The following BCL2L12 variants were observed in gnomAD, a reference collection of about 807,000 sequenced individuals.
BCL2L12 encodes bcl-2-like protein 12.
Under a neutral mutation model 25.7 loss-of-function variants are expected in BCL2L12, and 27 were observed. That is an observed-to-expected ratio of 1.05 (90% CI 0.78 to 1.45). The LOEUF (loss-of-function observed/expected upper bound fraction) is 1.45. BCL2L12 is among the 40% of genes most tolerant of loss of function. The pLI is 0.00. For synonymous variants in BCL2L12, 132 were observed against 145.6 expected (o/e 0.91, Z 0.67); for missense variants, 302 against 329.8 (o/e 0.92, Z 0.65).
At chr19:49,668,379 G>A (rs967072803) in intron 3 of BCL2L12, among the ~76,000 whole-genome samples, 1 of 152,060 alleles carries the variant, frequency 6.6e-6, no homozygotes, top group Admixed American at 6.5e-5. Flanking sequence ...GATTACAGGC[G>A]TGAGCCACTG....
In BCL2L12 at chr19:49,667,059, C is replaced by G. The variant is rs753475471; in HGVS notation, c.148C>G (p.Leu50Val). Residue 50 changes from leucine (L) to valine (V), a missense_variant, in exon 3 of 7, where the codon CTT becomes GTT. Physicochemically the swap from Leu to Val is conservative, Grantham distance 32. Transcript: ENST00000246784. The part of the protein sequence containing the change: ...QEEPTDFLSR[L>V]RRCLPCSLGR... ...AGAGCCAACAGACTTCCTGAGCCGC[C>G]TTCGAAGATGTCTTCCCTGCTCCCT... 6.2e-7 allele frequency: 1 copy of G among 1,613,728 alleles called. No homozygotes were observed. Among genetic ancestry groups the G allele is most frequent in the Admixed American group, 1.7e-5 (1 of 60,028 alleles).
Position 49,673,684 on chromosome 19 carries a change from C to A in BCL2L12, c.703-14C>A. On this transcript the variant is annotated splice_polypyrimidine_tract_variant and intron_variant, in intron 6 of 6. Transcript: ENST00000246784. ...CTGCCCTGCTCACAGGGCTCTGCCA[C>A]TTTTCCCTTCCAGGAGGGCATCCTG... The A allele has an allele frequency of 6.2e-7, 1 of 1,612,298 alleles. No individual in the cohort carries two copies. Among genetic ancestry groups the A allele is most frequent in the East Asian group, 2.2e-5 (1 of 44,866 alleles).
At chr19:49,665,444 C>T (rs533425637), upstream of BCL2L12, 123 of 197,458 alleles carry the variant, frequency 6.2e-4, no homozygotes, top group African/African-American at 2.8e-3. Context: ...TCCTCTTTTC[C>T]TCTTTCCTCC....
Position 49,672,948 on chromosome 19 carries a change from A to G in BCL2L12, c.703-750A>G, listed in dbSNP as rs541841186. On this transcript the variant is annotated intron_variant, in intron 6 of 6. Transcript: ENST00000246784. The surrounding 1 kb of genome is among the most constrained non-coding windows in gnomAD (Gnocchi z 4.1). ...AGTGGCACGACCTTGGCTCACTGCA[A>G]CCTCCACCTCCTGGGTTCAAGCGAT... is the stretch of plus-strand genomic sequence containing the variant. 3.7e-4 allele frequency among the ~76,000 whole-genome samples: 57 copies of G among 152,168 alleles called. No homozygotes were observed. In the Middle Eastern group the frequency reaches 0.01, roughly 27 times the overall value.
chr19:49,666,516 C>A (rs1478204057), intron 1 of BCL2L12, among the ~76,000 whole-genome samples, 169 bp from the exon 2 acceptor site: 3 of 152,132 alleles, frequency 2.0e-5, no homozygotes, highest in Non-Finnish European at 2.9e-5. Flanking sequence ...TTTTCCTGAT[C>A]GCTTTTTCGT....
upstream of BCL2L12, chr19:49,665,452 T>G: frequency 5.0e-6 from 1 of 199,364 alleles, no homozygotes; most frequent in Non-Finnish European, 1.0e-5. Context: ...TCCTCTTTCC[T>G]CCCTACTTTT....
Position 49,669,064 on chromosome 19 carries a change from G to A in BCL2L12, c.378G>A (p.Leu126=), listed in dbSNP as rs781395356. The A allele has an allele frequency of 2.5e-6, 4 of 1,614,162 alleles. No homozygotes were observed. Among genetic ancestry groups the A allele is most frequent in the Non-Finnish European group, 3.4e-6 (4 of 1,180,024 alleles). The change falls in exon 5 of 7, where the codon CTG becomes CTA. Residue 126 remains leucine (L), a synonymous_variant. Transcript: ENST00000246784. ...CATCGACAGAGAAGGAAGCCATACT[G>A]CGGAGGCTGGTGGCCCTGCTGGAGG... The part of the protein sequence containing the change: ...GPPSTEKEAI[L]RRLVALLEEE...
chr19:49,669,225 G>T, intron 5 of BCL2L12, 110 bp downstream of exon 5: 6 of 1,507,066 alleles, frequency 4.0e-6, no homozygotes, highest in Non-Finnish European at 4.4e-6. Context: ...GTGGAAAGAG[G>T]CTGGGACAAG....
chr19:49,667,180 C>T lies in BCL2L12; in HGVS notation c.250+19C>T. 1 of 1,606,422 alleles carries T rather than the reference C, an allele frequency of 6.2e-7. No individual in the cohort carries two copies. The highest frequency in any genetic ancestry group is 1.1e-5 in the South Asian group (1 of 90,976). On this transcript the variant is annotated intron_variant, in intron 3 of 6. Transcript: ENST00000246784. ...GAGCCTGGTAAGAGATTTCCATGATCATCTATGAAGCCGGCAGAACACGGG... is the reference window on the plus strand; with the variant it reads ...GAGCCTGGTAAGAGATTTCCATGATTATCTATGAAGCCGGCAGAACACGGG...
chr19:49,670,679 G>C (rs776559126), intron 6 of BCL2L12, among the ~76,000 whole-genome samples, 191 bp downstream of exon 6: 19 of 152,230 alleles, frequency 1.2e-4, no homozygotes, highest in African/African-American at 4.3e-4. Context: ...TGGCGTCAAC[G>C]ACTGGGTACG....
At chr19:49,668,813 A>G (rs2081885429) in intron 3 of BCL2L12, 38 bp from the exon 4 acceptor site, 2 of 1,567,688 alleles carry the variant, frequency 1.3e-6, no homozygotes, top group African/African-American at 2.7e-5. Flanking sequence ...TAAGTTTCCA[A>G]TGTCCTGGAA....
At chr19:49,667,609 G>A (rs1484428820) in intron 3 of BCL2L12, among the ~76,000 whole-genome samples, 1 of 152,196 alleles carries the variant, frequency 6.6e-6, no homozygotes, top group Non-Finnish European at 1.5e-5. Context: ...GTGTGAACCT[G>A]GACAGACTAG....
At chr19:49,666,953 G>C (rs2081802581) in intron 2 of BCL2L12, 66 bp from the exon 3 acceptor site, 1 of 1,576,248 alleles carries the variant, frequency 6.3e-7, no homozygotes, top group Admixed American at 1.9e-5. Context: ...GAGGGAGGGA[G>C]TTGGGGAAAG....
In BCL2L12 at chr19:49,667,064, A is replaced by T. The variant is rs778519209; in HGVS notation, c.153A>T (p.Arg51=). 23 of 1,613,696 alleles carry T rather than the reference A, an allele frequency of 1.4e-5. No individual in the cohort carries two copies. The South Asian group carries it at 2.4e-4, about 17-fold the overall frequency. ...CAACAGACTTCCTGAGCCGCCTTCG[A>T]AGATGTCTTCCCTGCTCCCTGGGGC... The part of the protein sequence containing the change: ...EEPTDFLSRL[R]RCLPCSLGRG... Residue 51 remains arginine, a synonymous_variant, in exon 3 of 7, where the codon CGA becomes CGT. Coordinates refer to ENST00000246784, the MANE Select transcript of BCL2L12 (RefSeq NM_138639.2).
upstream of BCL2L12, chr19:49,665,488 A>T: frequency 4.3e-6 from 1 of 234,606 alleles, no homozygotes; most frequent in Non-Finnish European, 8.4e-6. Context: ...GCCGACCTCC[A>T]GCGTCGGCCA....
Position 49,668,843 on chromosome 19 carries a change from C to T in BCL2L12, c.251-8C>T. ...CTGGAAACCTGTCATTAACTCTTTT[C>T]ACCCCAGGCCCAGCTACTCCAGACT... is the stretch of plus-strand genomic sequence containing the variant. On this transcript the variant is annotated splice_region_variant and splice_polypyrimidine_tract_variant and intron_variant, in intron 3 of 6. Transcript: ENST00000246784. 2 of 1,611,142 alleles carry T rather than the reference C, an allele frequency of 1.2e-6. No individual in the cohort carries two copies. Among genetic ancestry groups the T allele is most frequent in the Non-Finnish European group, 8.5e-7 (1 of 1,178,920 alleles).
Position 49,668,930 on chromosome 19 carries a change from C to T in BCL2L12, c.330C>T (p.Pro110=). 1 of 1,613,976 alleles carries T rather than the reference C, an allele frequency of 6.2e-7. No individual in the cohort carries two copies. ...QLVQEQLKSP[P]SPELQGPPST... ...TCCAAGAGCAGCTGAAATCTCCGCC[C>T]AGCCCAGGTGAGGCACAGAGGAGCC... is the stretch of plus-strand genomic sequence containing the variant. The change falls in exon 4 of 7, where the codon CCC becomes CCT. Residue 110 remains proline (P), a synonymous_variant. Coordinates refer to ENST00000246784, the MANE Select transcript of BCL2L12 (RefSeq NM_138639.2).
intron 6 of BCL2L12, among the ~76,000 whole-genome samples, chr19:49,671,626 G>A (rs145478347): frequency 0.011 from 1,605 of 152,152 alleles, 23 homozygotes; most frequent in African/African-American, 0.037. Flanking sequence ...TGACAGAGTG[G>A]GACCCTGTCT....
intron 1 of BCL2L12, 112 bp downstream of exon 1, chr19:49,666,179 T>C (rs2081746421): frequency 7.3e-7 from 1 of 1,364,242 alleles, no homozygotes; most frequent in African/African-American, 1.5e-5. Flanking sequence ...CAGGGTCCTC[T>C]AGATTCCAGC....
Sources: allele counts gnomAD v4.1 joint callset (sites outside exome capture counted in the v4.1 genomes callset), GRCh38; gene constraint gnomAD v4.1.1; non-coding constraint Gnocchi (gnomAD v3.1); transcripts MANE v1.5; gene names NCBI Gene and HGNC (gene_info 2026-07-23, HGNC 2026-07-21).